PGCKA1: variants seen among roughly 807,000 people sequenced by gnomAD.
The protein encoded by PGCKA1 is PDCD10 and GCKIII kinases-associated protein 1.
chr4:37,479,470 AAG>A, the PGCKA1 span, among the ~76,000 whole-genome samples: 1 of 152,164 alleles, frequency 6.6e-6, no homozygotes, highest in East Asian at 1.9e-4. Context: ...TTTAGTCTAG[AAG>A]AGTTAGATTC....
the PGCKA1 span, among the ~76,000 whole-genome samples, chr4:37,492,042 T>C: frequency 1.1e-5 from 1 of 88,716 alleles, no homozygotes; most frequent in Non-Finnish European, 2.3e-5. The surrounding 1 kb of genome is among the most constrained non-coding windows in gnomAD (Gnocchi z 4.7). Flanking sequence ...GTGAATTATT[T>C]TTTCTTTTTT....
the PGCKA1 span, among the ~76,000 whole-genome samples, chr4:37,561,981 C>G: frequency 6.6e-6 from 1 of 152,200 alleles, no homozygotes; most frequent in Non-Finnish European, 1.5e-5. Flanking sequence ...CCTAGGACCA[C>G]TAGACAACAC....
the PGCKA1 span, among the ~76,000 whole-genome samples, chr4:37,540,191 A>T: frequency 6.6e-6 from 1 of 152,138 alleles, no homozygotes; most frequent in Non-Finnish European, 1.5e-5. Flanking sequence ...TTGTGCACTT[A>T]TATGTATTTG....
chr4:37,504,198 A>G, the PGCKA1 span, among the ~76,000 whole-genome samples: 1 of 152,128 alleles, frequency 6.6e-6, no homozygotes, highest in Non-Finnish European at 1.5e-5. Flanking sequence ...TTCATTGCCA[A>G]CGTACACTCT....
the PGCKA1 span, among the ~76,000 whole-genome samples, chr4:37,577,009 T>C: frequency 3.9e-5 from 6 of 152,308 alleles, no homozygotes; most frequent in African/African-American, 1.4e-4. Context: ...GATTTTTGCA[T>C]TGACACTCAT....
chr4:37,500,952 T>C, the PGCKA1 span, among the ~76,000 whole-genome samples: 1 of 152,176 alleles, frequency 6.6e-6, no homozygotes, highest in African/African-American at 2.4e-5. Context: ...TTTTTTTCTG[T>C]TTTCATTTGC....
At chr4:37,583,686 C>T in the PGCKA1 span, among the ~76,000 whole-genome samples, 1 of 152,208 alleles carries the variant, frequency 6.6e-6, no homozygotes, top group East Asian at 1.9e-4. Flanking sequence ...ATAGCCTGGC[C>T]TTGTTTAAAC....
the PGCKA1 span, among the ~76,000 whole-genome samples, chr4:37,546,072 A>G: frequency 3.3e-5 from 5 of 152,208 alleles, no homozygotes; most frequent in Non-Finnish European, 7.4e-5. Context: ...GATGATGATG[A>G]TAACAGTGAT....
chr4:37,566,586 TTTTA>T, the PGCKA1 span, among the ~76,000 whole-genome samples: 1 of 149,708 alleles, frequency 6.7e-6, no homozygotes, highest in African/African-American at 2.5e-5. Context: ...TTCTGAGGCT[TTTTA>T]TTTTATTTTT....
the PGCKA1 span, among the ~76,000 whole-genome samples, chr4:37,578,344 T>C: frequency 2.3e-4 from 35 of 152,374 alleles, no homozygotes; most frequent in African/African-American, 7.5e-4. Flanking sequence ...GAAATCTATT[T>C]TGTCTGACAT....
chr4:37,584,217 C>A, the PGCKA1 span: 1 of 152,226 alleles, frequency 6.6e-6, no homozygotes, highest in African/African-American at 2.4e-5. Flanking sequence ...AGTCCCCACC[C>A]TTTTCGTCAG....
At chr4:37,513,903 C>T in the PGCKA1 span, among the ~76,000 whole-genome samples, 9,092 of 152,132 alleles carry the variant, frequency 0.06, 478 homozygotes, top group South Asian at 0.16. Context: ...ACCTCATAAT[C>T]GAAAAATGGT....
At chr4:37,556,001 T>A in the PGCKA1 span, among the ~76,000 whole-genome samples, 1 of 152,238 alleles carries the variant, frequency 6.6e-6, no homozygotes, top group Non-Finnish European at 1.5e-5. Flanking sequence ...ATGCACCACC[T>A]GGCATCCCAC....
chr4:37,557,609 C>T, the PGCKA1 span, among the ~76,000 whole-genome samples: 2 of 152,166 alleles, frequency 1.3e-5, no homozygotes, highest in South Asian at 4.2e-4. Flanking sequence ...GAGGGTCCTG[C>T]CTCCTAATAC....
chr4:37,579,918 T>C, the PGCKA1 span, among the ~76,000 whole-genome samples: 1 of 152,226 alleles, frequency 6.6e-6, no homozygotes, highest in Non-Finnish European at 1.5e-5. Flanking sequence ...ATTTGCCCTT[T>C]TGAGGCTATT....
At chr4:37,590,280 G>T in the PGCKA1 span, 3 of 1,613,956 alleles carry the variant, frequency 1.9e-6, no homozygotes, top group Non-Finnish European at 1.7e-6. Context: ...ATCCATGGGA[G>T]CCCTGCTGGC....
chr4:37,482,839 A>C, the PGCKA1 span, among the ~76,000 whole-genome samples: 6 of 152,210 alleles, frequency 3.9e-5, no homozygotes, highest in Non-Finnish European at 8.8e-5. Context: ...AGTTCCAGCC[A>C]TGGCTAAAAG....
chr4:37,564,754 GC>G, the PGCKA1 span, among the ~76,000 whole-genome samples: 1 of 152,080 alleles, frequency 6.6e-6, no homozygotes, highest in Non-Finnish European at 1.5e-5. Flanking sequence ...TGATCCACCT[GC>G]CTCGGCCTCC....
At chr4:37,481,540 TGAGGCCTCTCTCCTTGGCTTGCA>T in the PGCKA1 span, among the ~76,000 whole-genome samples, 1 of 144,084 alleles carries the variant, frequency 6.9e-6, no homozygotes, top group Non-Finnish European at 1.5e-5. Context: ...TGGATTCTCC[TGAGGCCTCTCTCCTTGGCTTGCA>T]GATGGCCACC....
Sources: allele counts gnomAD v4.1 joint callset (sites outside exome capture counted in the v4.1 genomes callset), GRCh38; gene constraint gnomAD v4.1.1; non-coding constraint Gnocchi (gnomAD v3.1); transcripts MANE v1.5; gene names NCBI Gene and HGNC (gene_info 2026-07-23, HGNC 2026-07-21).